Variants in DTL observed in about 807,000 individuals in gnomAD.
The protein encoded by DTL is denticleless protein homolog.
DTL carries 46 observed loss-of-function variants against 87.0 expected under a neutral mutation model. That is an observed-to-expected ratio of 0.53 (90% CI 0.42 to 0.68). The LOEUF (loss-of-function observed/expected upper bound fraction) is 0.68, where lower values mean the gene tolerates loss of function less well. Among genes scored for constraint, DTL ranks in the 30% least tolerant of loss-of-function variants. DTL has a pLI of 0.00. For missense variants in DTL, 737 were observed against 869.4 expected (o/e 0.85, Z 1.91); for synonymous variants, 308 against 311.2 (o/e 0.99, Z 0.11).
intron 13 of DTL, among the ~76,000 whole-genome samples, chr1:212,088,613 G>A (rs141929226): frequency 1.2e-3 from 187 of 152,344 alleles, no homozygotes; most frequent in African/African-American, 4.4e-3. Context: ...TGAAACATGA[G>A]AAGAATTTCT....
rs1379156836 is a variant in DTL at position 212,044,643 on chromosome 1, C to G, written c.179-17C>G. 6 of 1,408,280 alleles carry G rather than the reference C, an allele frequency of 4.3e-6. No individual in the cohort carries two copies. The highest frequency in any genetic ancestry group is 2.0e-4 in the Middle Eastern group (1 of 5,032). The allele number at this position is 1,408,280 out of a possible 1,614,324, so 87.2% of individuals were successfully genotyped here. ...ATTGTGTTACTCTATATATTTTTTT[C>G]TTTATTTCTGCTTTAGCTCCCAATA... On this transcript the variant is annotated splice_polypyrimidine_tract_variant and intron_variant, in intron 2 of 14. Coordinates refer to ENST00000366991, the MANE Select transcript of DTL (RefSeq NM_016448.4).
chr1:212,056,834 T>C (rs1028225604), intron 5 of DTL, among the ~76,000 whole-genome samples: 1 of 152,102 alleles, frequency 6.6e-6, no homozygotes, highest in Non-Finnish European at 1.5e-5. Flanking sequence ...ACAGAATTCA[T>C]TTAATGAAAT....
Position 212,044,864 on chromosome 1 carries a change from A to G in DTL, c.277+106A>G, listed in dbSNP as rs1667764887. Reference sequence around the variant, plus strand: ...CTGTTTTAGTCTGTCTTCTGTTGCTATAAAGGAATAACTGAGACTGGGTAG... The same window carrying G: ...CTGTTTTAGTCTGTCTTCTGTTGCTGTAAAGGAATAACTGAGACTGGGTAG... On this transcript the variant is annotated intron_variant, in intron 3 of 14. Coordinates refer to ENST00000366991, the MANE Select transcript of DTL (RefSeq NM_016448.4). 5.8e-6 allele frequency: 4 copies of G among 686,560 alleles called. No homozygotes were observed. The East Asian group carries it at 8.2e-5, about 14-fold the overall frequency. The allele number at this position is 686,560 out of a possible 1,614,324, so 42.5% of individuals were successfully genotyped here. A position where few individuals can be genotyped will look rare whatever the true frequency, so the allele number is the denominator to read the frequency against.
At chr1:212,098,629 C>A (rs551421348) in intron 13 of DTL, among the ~76,000 whole-genome samples, 1 of 152,006 alleles carries the variant, frequency 6.6e-6, no homozygotes. Context: ...AATGGAGTTA[C>A]GTTCTAAGGG....
At position 212,047,040 on chromosome 1, in the gene DTL, C is replaced by G; in HGVS notation, c.278-111C>G. ...TTTTGATTTGCATTTCTCTAATGAT[C>G]AACTACTGATCTTTTTACTACTACA... On this transcript the variant is annotated intron_variant, in intron 3 of 14. Coordinates refer to ENST00000366991, the MANE Select transcript of DTL (RefSeq NM_016448.4). The G allele has an allele frequency of 1.3e-5, 12 of 892,200 alleles. No individual in the cohort carries two copies. In the South Asian group the frequency reaches 1.8e-4, roughly 13 times the overall value. The allele number at this position is 892,200 out of a possible 1,614,324, so 55.3% of individuals were successfully genotyped here.
chr1:212,074,487 G>A (rs900024447), intron 11 of DTL, among the ~76,000 whole-genome samples: 20 of 151,946 alleles, frequency 1.3e-4, no homozygotes, highest in African/African-American at 4.8e-4. Context: ...TAATTCCTAG[G>A]CTGGGTCACA....
intron 5 of DTL, among the ~76,000 whole-genome samples, chr1:212,054,052 C>A (rs1412177201): frequency 2.0e-5 from 3 of 152,088 alleles, no homozygotes; most frequent in African/African-American, 7.2e-5. Context: ...ACAGGCAATT[C>A]ACTTGTTTGG....
At chr1:212,037,312 T>C (rs1000330879) in intron 1 of DTL, among the ~76,000 whole-genome samples, 1 of 152,230 alleles carries the variant, frequency 6.6e-6, no homozygotes. Flanking sequence ...ATTCATTCGT[T>C]ATTATATGAA....
At chr1:212,071,375 G>T (rs553482544) in intron 10 of DTL, among the ~76,000 whole-genome samples, 1 of 152,276 alleles carries the variant, frequency 6.6e-6, no homozygotes, top group African/African-American at 2.4e-5. Flanking sequence ...TAGGATAGAA[G>T]AACCTGTTAA....
At chr1:212,095,495 C>A (rs1655420110) in intron 13 of DTL, among the ~76,000 whole-genome samples, 1 of 152,108 alleles carries the variant, frequency 6.6e-6, no homozygotes, top group African/African-American at 2.4e-5. Flanking sequence ...GCTGAGATAC[C>A]ACATCTGGCT....
At chr1:212,083,217 G>C (rs1169099460) in intron 13 of DTL, among the ~76,000 whole-genome samples, 5 of 152,152 alleles carry the variant, frequency 3.3e-5, no homozygotes, top group African/African-American at 9.7e-5. Context: ...GGCAGGCAAA[G>C]AGAGAGATTG....
intron 12 of DTL, among the ~76,000 whole-genome samples, chr1:212,078,954 A>G (rs1359333305): frequency 6.6e-6 from 1 of 152,176 alleles, no homozygotes; most frequent in Non-Finnish European, 1.5e-5. Flanking sequence ...TGGGTTCTAC[A>G]GGAAATCTTA....
intron 11 of DTL, among the ~76,000 whole-genome samples, chr1:212,075,406 GTC>G (rs1295091091): frequency 6.6e-6 from 1 of 152,116 alleles, no homozygotes; most frequent in Non-Finnish European, 1.5e-5. Flanking sequence ...GGATATAAAT[GTC>G]TCTTAGACTT....
intron 6 of DTL, 47 bp from the exon 7 acceptor site, chr1:212,064,870 A>G (rs773383298): frequency 2.8e-6 from 4 of 1,438,876 alleles, no homozygotes; most frequent in Non-Finnish European, 3.9e-6. Flanking sequence ...TGTTATATTC[A>G]GCATGTAAGA....
intron 10 of DTL, among the ~76,000 whole-genome samples, chr1:212,070,633 A>G (rs1311673165): frequency 7.6e-6 from 1 of 132,308 alleles, no homozygotes; most frequent in Non-Finnish European, 1.8e-5. Context: ...CTGAATGACA[A>G]CTGTGTGTGT....
At chr1:212,094,831 A>G (rs1655398584) in intron 13 of DTL, among the ~76,000 whole-genome samples, 1 of 152,010 alleles carries the variant, frequency 6.6e-6, no homozygotes, top group Non-Finnish European at 1.5e-5. Flanking sequence ...TTAGTTAGGT[A>G]TATTCCTAGG....
chr1:212,072,506 T>C (rs1261957094), intron 11 of DTL, among the ~76,000 whole-genome samples: 1 of 152,222 alleles, frequency 6.6e-6, no homozygotes, highest in Non-Finnish European at 1.5e-5. Flanking sequence ...TACTTTGTCC[T>C]GCATCCTGGA....
chr1:212,054,656 G>A (rs1218879303), intron 5 of DTL, among the ~76,000 whole-genome samples: 2 of 151,946 alleles, frequency 1.3e-5, no homozygotes, highest in African/African-American at 4.8e-5. Flanking sequence ...TTAGCCGGGT[G>A]TGGTGACACA....
At chr1:212,058,927 AC>A (rs1213127646) in intron 5 of DTL, among the ~76,000 whole-genome samples, 1 of 152,176 alleles carries the variant, frequency 6.6e-6, no homozygotes, top group African/African-American at 2.4e-5. Flanking sequence ...TAACTAGAAA[AC>A]CTAGAGGAAA....
Sources: allele counts gnomAD v4.1 joint callset (sites outside exome capture counted in the v4.1 genomes callset), GRCh38; gene constraint gnomAD v4.1.1; transcripts MANE v1.5; gene names NCBI Gene and HGNC (gene_info 2026-07-23, HGNC 2026-07-21).